SLF2: variants seen among roughly 807,000 people sequenced by gnomAD.
SLF2 encodes the protein SMC5-SMC6 complex localization factor protein 2.
In SLF2, 68 loss-of-function variants were observed where a neutral mutation model predicts 124.3. That is an observed-to-expected ratio of 0.55 (90% confidence interval 0.45 to 0.67). SLF2 has a LOEUF of 0.67. Among genes scored for constraint, SLF2 ranks in the 30% least tolerant of loss-of-function variants. SLF2 has a pLI of 0.00. For synonymous variants in SLF2, 480 were observed against 478.8 expected (o/e 1.00, Z -0.03); for missense variants, 1,246 against 1,373.7 (o/e 0.91, Z 1.47).
At position 100,920,376 on chromosome 10, in the gene SLF2, A is replaced by G. The variant is rs577045066; in HGVS notation, c.973+1935A>G. ...CATGGTGGCTAAAGTAGTTTCATTT[A>G]TATAATCCCACCTAGCAAAGTTTTT... On this transcript the variant is annotated intron_variant, in intron 4 of 19. Transcript: ENST00000238961. 2.6e-5 allele frequency among the ~76,000 whole-genome samples: 4 copies of G among 152,320 alleles called. No homozygotes were observed. The South Asian group carries it at 6.2e-4, about 24-fold the overall frequency.
chr10:100,934,557 A>C, intron 9 of SLF2, among the ~76,000 whole-genome samples: 1 of 152,126 alleles, frequency 6.6e-6, no homozygotes, highest in South Asian at 2.1e-4. Flanking sequence ...TGACTGTTTG[A>C]AAGTAGAGTT....
Position 100,959,475 on chromosome 10 carries a change from C to T in SLF2, c.3465C>T (p.Ile1155=). Residue 1155 remains isoleucine, a synonymous_variant, in exon 19 of 20, where the codon ATC becomes ATT. Transcript: ENST00000238961. ...ARIHGKWQEI[I]QNCRPTQGQL... is the part of the protein sequence containing the mutation. ...TACATGGAAAATGGCAGGAAATAATCCAGAACTGTCGGCCTACTCAGGTGT... is the reference window on the plus strand; with the variant it reads ...TACATGGAAAATGGCAGGAAATAATTCAGAACTGTCGGCCTACTCAGGTGT... The T allele has an allele frequency of 6.2e-7, 1 of 1,611,492 alleles. No individual in the cohort carries two copies. Among genetic ancestry groups the T allele is most frequent in the Non-Finnish European group, 8.5e-7 (1 of 1,179,384 alleles).
intron 13 of SLF2, among the ~76,000 whole-genome samples, chr10:100,946,121 G>T (rs1229227496): frequency 2.0e-5 from 3 of 151,946 alleles, no homozygotes; most frequent in Non-Finnish European, 4.4e-5. Context: ...TTTTTTGGTG[G>T]AAAAATTAAA....
Position 100,924,164 on chromosome 10 carries a change from G to A in SLF2, c.1163G>A (p.Arg388His), listed in dbSNP as rs772867907. 20 of 1,613,872 alleles carry A rather than the reference G, an allele frequency of 1.2e-5. No individual in the cohort carries two copies. The highest frequency in any genetic ancestry group is 2.2e-5 in the East Asian group (1 of 44,888). The change falls in exon 5 of 20, where the codon CGC (arginine) becomes CAC (histidine). Residue 388 changes from arginine (R) to histidine (H), a missense_variant. Physicochemically the swap from Arg to His is conservative, Grantham distance 29 (BLOSUM62 0). Transcript: ENST00000238961. The stretch of plus-strand genomic sequence containing the variant: ...CTGAAGACACCTGGTGATGTGTTGC[G>A]CTTAGAAGATATATCCAAGGAACCG... ...IALKTPGDVL[R>H]LEDISKEPSD...
chr10:100,931,652 A>G (rs1230772124), intron 9 of SLF2, among the ~76,000 whole-genome samples: 1 of 152,130 alleles, frequency 6.6e-6, no homozygotes, highest in Non-Finnish European at 1.5e-5. Flanking sequence ...GTGTTACTCT[A>G]GATACTTCGG....
chr10:100,948,614 G>C (rs1850151954), intron 15 of SLF2, among the ~76,000 whole-genome samples: 1 of 152,120 alleles, frequency 6.6e-6, no homozygotes. Flanking sequence ...TGGGCACAGT[G>C]GCTCACGCCT....
chr10:100,936,290 A>T (rs1849854107), intron 9 of SLF2, among the ~76,000 whole-genome samples: 1 of 151,204 alleles, frequency 6.6e-6, no homozygotes, highest in Non-Finnish European at 1.5e-5. Context: ...GATCATTGCC[A>T]ATTTTGAAGT....
rs1193025671 is a variant in SLF2, at chr10:100,917,039, C to G, written c.654C>G (p.Ser218Arg). The stretch of plus-strand genomic sequence containing the variant: ...ATAACAGCTCCAGAAGCCTTAGCAG[C>G]AGGAGCAGCCTGTCCAGGCACCACC... ...IFNNSSRSLS[S>R]RSSLSRHHPE... Residue 218 changes from serine to arginine, a missense_variant, in exon 3 of 20, where the codon AGC becomes AGG. Physicochemically the swap from Ser to Arg is moderately radical, Grantham distance 110 (BLOSUM62 -1). Coordinates refer to ENST00000238961, the MANE Select transcript of SLF2 (RefSeq NM_018121.4). The G allele has an allele frequency of 1.2e-6, 2 of 1,614,178 alleles. No individual in the cohort carries two copies. Among genetic ancestry groups the G allele is most frequent in the Non-Finnish European group, 1.7e-6 (2 of 1,180,038 alleles).
At chr10:100,922,205 G>A (rs1033100393) in intron 4 of SLF2, among the ~76,000 whole-genome samples, 3 of 152,138 alleles carry the variant, frequency 2.0e-5, no homozygotes, top group Non-Finnish European at 2.9e-5. Context: ...GAGCCTCCAA[G>A]TAGGTGGGAC....
Position 100,947,090 on chromosome 10 carries a change from C to G in SLF2, c.2986C>G (p.Leu996Val). Residue 996 changes from leucine (L) to valine (V), a missense_variant, in exon 14 of 20, where the codon CTC becomes GTC. Physicochemically the swap from Leu to Val is conservative, Grantham distance 32 (BLOSUM62 1). Coordinates refer to ENST00000238961, the MANE Select transcript of SLF2 (RefSeq NM_018121.4). ...TGAACTCTCCAGTCATCCCCACAAC[C>G]TCCTGTGGTTGGTACAGCTGGTCCC... ...INELSSHPHN[L>V]LWLVQLVPNW... 6.2e-7 allele frequency: 1 copy of G among 1,611,094 alleles called. No homozygotes were observed. The highest frequency in any genetic ancestry group is 2.2e-5 in the East Asian group (1 of 44,626).
At position 100,945,610 on chromosome 10, in the gene SLF2, G is replaced by A. The variant is rs187782428; in HGVS notation, c.2934+104G>A. 3.4e-3 allele frequency: 3,018 copies of A among 897,568 alleles called. 6 individuals carry two copies. Among genetic ancestry groups the A allele is most frequent in the Non-Finnish European group, 4.2e-3 (2,724 of 655,034 alleles). The allele number at this position is 897,568 out of a possible 1,614,324, so 55.6% of individuals were successfully genotyped here. A position where few individuals can be genotyped will look rare whatever the true frequency, so the allele number is the denominator to read the frequency against. ...TGTTTCTAAACTCAAGATCTTTGGC[G>A]GATTAAAAATGAACTGAGGAAGGGA... is the stretch of plus-strand genomic sequence containing the variant. On this transcript the variant is annotated intron_variant, in intron 13 of 19. Transcript: ENST00000238961.
At position 100,962,305 on chromosome 10, in the gene SLF2, C is replaced by G. The variant is rs1384572041; in HGVS notation, c.*393C>G. ...TATATAAGAAAAGAGCTTGGACTAA[C>G]TTGAGAAGTTGGACATGGAAAGCAA... On this transcript the variant is annotated 3_prime_UTR_variant, in exon 20 of 20. Transcript: ENST00000238961. 6.5e-6 allele frequency: 1 copy of G among 154,728 alleles called. No homozygotes were observed. The highest frequency in any genetic ancestry group is 1.4e-5 in the Non-Finnish European group (1 of 69,910). 9.6% of individuals were successfully genotyped at this position (154,728 alleles called of 1,614,324 possible).
Position 100,947,111 on chromosome 10 carries a change from G to C in SLF2, c.3007G>C (p.Val1003Leu). The change falls in exon 14 of 20, where the codon GTC becomes CTC. Residue 1003 changes from valine to leucine, a missense_variant. Transcript: ENST00000238961. ...PHNLLWLVQL[V>L]PNWTSRGRQL... Reference sequence around the variant, plus strand: ...CAACCTCCTGTGGTTGGTACAGCTGGTCCCTAATTGGACATCACGTGGAAG... The same window carrying C: ...CAACCTCCTGTGGTTGGTACAGCTGCTCCCTAATTGGACATCACGTGGAAG... 1 of 1,586,306 alleles carries C rather than the reference G, an allele frequency of 6.3e-7. No homozygotes were observed.
At position 100,929,276 on chromosome 10, in the gene SLF2, T is replaced by C. The variant is rs371467834; in HGVS notation, c.2043-41T>C. ...ATAAACTAAAGACTTTTTAAAAATATTTTTAGAGTAAACTGTTATAACATT... is the reference window on the plus strand; with the variant it reads ...ATAAACTAAAGACTTTTTAAAAATACTTTTAGAGTAAACTGTTATAACATT... On this transcript the variant is annotated intron_variant, in intron 6 of 19. Coordinates refer to ENST00000238961, the MANE Select transcript of SLF2 (RefSeq NM_018121.4). 54 of 1,547,124 alleles carry C rather than the reference T, an allele frequency of 3.5e-5. No individual in the cohort carries two copies. The South Asian group carries it at 6.1e-4, about 17-fold the overall frequency.
At chr10:100,958,975 T>C (rs1850380010) in intron 18 of SLF2, among the ~76,000 whole-genome samples, 2 of 152,116 alleles carry the variant, frequency 1.3e-5, no homozygotes, top group South Asian at 2.1e-4. Context: ...CTTCTAATAA[T>C]GTGGAGAGGG....
At chr10:100,961,813 A>G (rs897148253) in intron 19 of SLF2, 64 bp from the exon 20 acceptor site, 4 of 1,386,564 alleles carry the variant, frequency 2.9e-6, no homozygotes, top group Non-Finnish European at 4.0e-6. Flanking sequence ...GTAGTTTTAT[A>G]AGGATTAATT....
chr10:100,964,185 G>A lies in SLF2; in HGVS notation c.*2273G>A, dbSNP rs976156004. 1.3e-5 allele frequency: 2 copies of A among 152,666 alleles called. No homozygotes were observed. The highest frequency in any genetic ancestry group is 4.8e-5 in the African/African-American group (2 of 41,448). The allele number at this position is 152,666 out of a possible 1,614,324, so 9.5% of individuals were successfully genotyped here. On this transcript the variant is annotated 3_prime_UTR_variant, in exon 20 of 20. Transcript: ENST00000238961. Reference sequence around the variant, plus strand: ...ATTGCCCGGTGAATGGGATGGTAGAGAGGGAGAAATGTTCATTGCACAGAG... The same window carrying A: ...ATTGCCCGGTGAATGGGATGGTAGAAAGGGAGAAATGTTCATTGCACAGAG...
chr10:100,924,095 C>G lies in SLF2; in HGVS notation c.1094C>G (p.Pro365Arg). 6.2e-7 allele frequency: 1 copy of G among 1,613,440 alleles called. No homozygotes were observed. The highest frequency in any genetic ancestry group is 8.5e-7 in the Non-Finnish European group (1 of 1,179,868). ...AGAGAGTCCTTCCTTGAGAAGCGTC[C>G]TGATGGACCACATCAGAAAGAAAAA... ...KARESFLEKR[P>R]DGPHQKEKFI... The change falls in exon 5 of 20, where the codon CCT becomes CGT. Residue 365 changes from proline (P) to arginine (R), a missense_variant. This residue lies in a region of SLF2 where 698 missense variants were observed against 708.9 expected (regional missense o/e 0.98). Transcript: ENST00000238961.
At chr10:100,953,069 G>A (rs539500579) in intron 17 of SLF2, among the ~76,000 whole-genome samples, 1 of 151,656 alleles carries the variant, frequency 6.6e-6, no homozygotes, top group African/African-American at 2.4e-5. Context: ...AGGCTAGAGT[G>A]CACTAGCACA....
Sources: allele counts gnomAD v4.1 joint callset (sites outside exome capture counted in the v4.1 genomes callset), GRCh38; gene constraint gnomAD v4.1.1; regional missense constraint gnomAD v4.1.1; transcripts MANE v1.5; gene names NCBI Gene and HGNC (gene_info 2026-07-23, HGNC 2026-07-21).